The following PTPRN2 variants were observed in gnomAD, a reference collection of about 807,000 sequenced individuals.
PTPRN2 encodes protein tyrosine phosphatase receptor type N2, also known as receptor-type tyrosine-protein phosphatase N2.
PTPRN2 carries 74 observed loss-of-function variants against 118.8 expected under a neutral mutation model. That is an observed-to-expected ratio of 0.62 (90% CI 0.52 to 0.76). PTPRN2 has a LOEUF of 0.76. Among genes scored for constraint, PTPRN2 ranks in the 30% least tolerant of loss-of-function variants. PTPRN2 has a pLI of 0.00. For missense variants in PTPRN2, 1,481 were observed against 1,394.4 expected, an observed-to-expected ratio of 1.06 and a Z score of -0.99; for synonymous variants, 641 against 608.0, an observed-to-expected ratio of 1.05 and a Z score of -0.80.
chr7:158,069,954 A>C (rs530940681), intron 11 of PTPRN2, among the ~76,000 whole-genome samples: 1 of 152,360 alleles, frequency 6.6e-6, no homozygotes, highest in South Asian at 2.1e-4. Flanking sequence ...GAAAACAGTC[A>C]ATGAGTCGTC....
intron 2 of PTPRN2, among the ~76,000 whole-genome samples, chr7:158,482,406 C>T (rs1820708098): frequency 6.6e-6 from 1 of 152,240 alleles, no homozygotes; most frequent in Non-Finnish European, 1.5e-5. Context: ...CACAGTTGCC[C>T]CAAGCTTCAA....
chr7:157,957,131 A>G (rs1801234518), intron 11 of PTPRN2, among the ~76,000 whole-genome samples: 1 of 152,192 alleles, frequency 6.6e-6, no homozygotes, highest in Non-Finnish European at 1.5e-5. Context: ...CAGCTCAAGC[A>G]CTTGCACCTG....
chr7:157,616,842 T>A (rs898414915), intron 15 of PTPRN2: 18 of 151,320 alleles, frequency 1.2e-4, no homozygotes, highest in African/African-American at 4.4e-4. Flanking sequence ...CTGTTTAGAG[T>A]TTTGGGAGAG....
intron 2 of PTPRN2, among the ~76,000 whole-genome samples, chr7:158,393,963 C>T (rs1258463943): frequency 2.0e-5 from 3 of 151,936 alleles, no homozygotes; most frequent in African/African-American, 4.8e-5. Context: ...CATCTCTCAC[C>T]CCTTAAACTG....
In PTPRN2 at chr7:157,596,513, C is replaced by T. The variant is rs1250383054; in HGVS notation, c.2419-1198G>A. 6.6e-6 allele frequency among the ~76,000 whole-genome samples: 1 copy of T among 152,186 alleles called. No individual in the cohort carries two copies. Among genetic ancestry groups the T allele is most frequent in the African/African-American group, 2.4e-5 (1 of 41,442 alleles). ...CAGAAAAAAGAACTTGAGGACAAAG[C>T]CTTGAGAGGCAAGCGAGATTTGAGC... On this transcript the variant is annotated intron_variant, in intron 16 of 22. Coordinates refer to ENST00000389418, the MANE Select transcript of PTPRN2 (RefSeq NM_002847.5). This position sits in a 1 kb window ranked among gnomAD's most constrained non-coding sequence, Gnocchi z 4.2.
intron 14 of PTPRN2, among the ~76,000 whole-genome samples, chr7:157,624,163 A>G (rs1803429838): frequency 6.6e-6 from 1 of 152,180 alleles, no homozygotes; most frequent in Non-Finnish European, 1.5e-5. Context: ...GCTCACGCCT[A>G]TAATCCTAGC....
chr7:157,580,626 C>CCTGCACACCCCAGCA (rs1800311609), intron 17 of PTPRN2, among the ~76,000 whole-genome samples: 1 of 111,894 alleles, frequency 8.9e-6, no homozygotes, highest in Non-Finnish European at 1.9e-5. Context: ...ACACCCCAGC[C>CCTGCACACCCCAGCA]CCTGCACACC....
Position 158,237,748 on chromosome 7 carries a change from C to G in PTPRN2, c.278-32475G>C, listed in dbSNP as rs1400589087. ...ACACCCACAGGTGTGTAGGGGCAAC[C>G]CACCCCTACACTCTGCCACTTCGCC... On this transcript the variant is annotated intron_variant, in intron 3 of 22. Transcript: ENST00000389418. Among the ~76,000 whole-genome samples the G allele has an allele frequency of 1.3e-5, 2 of 151,380 alleles. 1 individual carries two copies. Among genetic ancestry groups the G allele is most frequent in the Non-Finnish European group, 2.9e-5 (2 of 67,862 alleles).
At chr7:157,995,405 C>T (rs914394624) in intron 11 of PTPRN2, among the ~76,000 whole-genome samples, 10 of 152,226 alleles carry the variant, frequency 6.6e-5, no homozygotes, top group African/African-American at 1.9e-4. Context: ...TCACACTCTA[C>T]GGTTTCTATC....
At chr7:157,888,339 C>T (rs1796604439) in intron 12 of PTPRN2, among the ~76,000 whole-genome samples, 1 of 152,160 alleles carries the variant, frequency 6.6e-6, no homozygotes, top group South Asian at 2.1e-4. Flanking sequence ...ACACCTCAGG[C>T]TTTTTAGATC....
chr7:158,013,691 TCACC>T (rs1446311223), intron 11 of PTPRN2, among the ~76,000 whole-genome samples: 7 of 148,074 alleles, frequency 4.7e-5, no homozygotes, highest in Non-Finnish European at 4.5e-5. Context: ...CTCCATCCAT[TCACC>T]CACCCACCCA....
intron 2 of PTPRN2, among the ~76,000 whole-genome samples, chr7:158,404,702 TCCAGCTCCCCGGCCC>T (rs1481193019): frequency 7.8e-5 from 4 of 51,480 alleles, no homozygotes; most frequent in African/African-American, 3.1e-4. Flanking sequence ...CTCCCGGGCC[TCCAGCTCCCCGGCCC>T]CCAGCTCTCC....
At chr7:157,875,233 C>T (rs886593619) in intron 12 of PTPRN2, among the ~76,000 whole-genome samples, 2 of 152,206 alleles carry the variant, frequency 1.3e-5, no homozygotes, top group Non-Finnish European at 2.9e-5. Context: ...GGCTTGGAAA[C>T]GGTCCAGACC....
intron 12 of PTPRN2, among the ~76,000 whole-genome samples, chr7:157,889,733 G>C (rs1796688032): frequency 6.6e-6 from 1 of 152,190 alleles, no homozygotes; most frequent in Admixed American, 6.5e-5. Context: ...TGTTCCCTTT[G>C]CCTCTCACTA....
intron 12 of PTPRN2, among the ~76,000 whole-genome samples, chr7:157,772,304 CAG>C (rs1443777950): frequency 0.01 from 1,472 of 144,584 alleles, 50 homozygotes; most frequent in East Asian, 0.081. Context: ...CACAGACATA[CAG>C]ACACACATAG....
At chr7:157,951,808 T>G (rs1800827693) in intron 11 of PTPRN2, among the ~76,000 whole-genome samples, 1 of 152,234 alleles carries the variant, frequency 6.6e-6, no homozygotes, top group African/African-American at 2.4e-5. Flanking sequence ...GTTTGTCCTC[T>G]GATCAGGTGG....
chr7:157,668,192 T>C (rs761066576), intron 13 of PTPRN2, among the ~76,000 whole-genome samples: 8 of 152,202 alleles, frequency 5.3e-5, no homozygotes, highest in Non-Finnish European at 1.0e-4. Flanking sequence ...TATAACACAA[T>C]GTGCAAAATA....
rs549572695 is a variant in PTPRN2 at position 157,576,546 on chromosome 7, C to G, written c.2783+67G>C. The G allele has an allele frequency of 2.5e-3, 3,595 of 1,426,568 alleles. 5 individuals are homozygous for G. The highest frequency in any genetic ancestry group is 3.1e-3 in the Admixed American group (128 of 41,314). 88.4% of individuals were successfully genotyped at this position (1,426,568 alleles called of 1,614,324 possible). ...GGCGCCAGGGGCGTCTCAGGAGCAC[C>G]GAAGCCTCGCTCCCCTGTGCCGCGC... On this transcript the variant is annotated intron_variant, in intron 19 of 22. Transcript: ENST00000389418.
chr7:157,726,812 C>T lies in PTPRN2; in HGVS notation c.1789-43875G>A, dbSNP rs182892454. 7.6e-4 allele frequency among the ~76,000 whole-genome samples: 115 copies of T among 152,290 alleles called. 1 individual carries two copies. The highest frequency in any genetic ancestry group is 2.7e-3 in the African/African-American group (113 of 41,556). On this transcript the variant is annotated intron_variant, in intron 12 of 22. Transcript: ENST00000389418. ...AACTTCCACAACTCAACTACAATAA[C>T]GATGGAAAACCATCTCGTTCAGAAA... is the stretch of plus-strand genomic sequence containing the variant.
Sources: gnomAD v4.1 joint callset for allele counts (sites outside exome capture counted in the v4.1 genomes callset) on GRCh38, gnomAD v4.1.1 for gene constraint, Gnocchi (gnomAD v3.1) non-coding constraint, MANE v1.5 for transcripts, NCBI Gene and HGNC (gene_info 2026-07-23, HGNC 2026-07-21) for gene names.